TBC1D12: variants seen among roughly 807,000 people sequenced by gnomAD.
TBC1D12 encodes TBC1 domain family, member 12.
Under a neutral mutation model 86.7 loss-of-function variants are expected in TBC1D12, and 56 were observed. That is an observed-to-expected ratio of 0.65 (90% CI 0.52 to 0.81). The LOEUF (loss-of-function observed/expected upper bound fraction) is 0.81, where lower values mean the gene tolerates loss of function less well. Among genes scored for constraint, TBC1D12 ranks in the 30% least tolerant of loss-of-function variants. The probability of loss-of-function intolerance (pLI) is 0.00; values close to 1 mark genes in which losing one functional copy is unlikely to be tolerated. For synonymous variants in TBC1D12, 421 were observed against 411.7 expected (o/e 1.02, Z -0.27); for missense variants, 1,023 against 1,038.8 (o/e 0.98, Z 0.21).
intron 1 of TBC1D12, among the ~76,000 whole-genome samples, chr10:94,404,118 C>A (rs184467384): frequency 2.8e-4 from 43 of 152,192 alleles, no homozygotes; most frequent in African/African-American, 9.6e-4. Flanking sequence ...TTTGGGAATT[C>A]TTGAAATTAG....
intron 11 of TBC1D12, 59 bp from the exon 12 acceptor site, chr10:94,531,143 C>T (rs894062185): frequency 2.1e-5 from 32 of 1,547,104 alleles, no homozygotes; most frequent in Middle Eastern, 3.4e-4. Flanking sequence ...GAGATGCTTA[C>T]TGAGTAAATG....
At chr10:94,422,738 C>A (rs1311644018) in intron 1 of TBC1D12, among the ~76,000 whole-genome samples, 2 of 152,016 alleles carry the variant, frequency 1.3e-5, no homozygotes, top group African/African-American at 4.8e-5. Flanking sequence ...TGGCTATTTT[C>A]TTTGCTGTTT....
intron 11 of TBC1D12, among the ~76,000 whole-genome samples, chr10:94,530,533 G>A (rs546530345): frequency 2.0e-5 from 3 of 152,184 alleles, no homozygotes; most frequent in African/African-American, 7.2e-5. Flanking sequence ...CATGCCAAAC[G>A]CTGATGTAAA....
chr10:94,412,502 A>G (rs1332077311), intron 1 of TBC1D12, among the ~76,000 whole-genome samples: 2 of 152,248 alleles, frequency 1.3e-5, no homozygotes, highest in African/African-American at 4.8e-5. Flanking sequence ...GCTTTGACTA[A>G]AAAGCAAATC....
intron 7 of TBC1D12, 108 bp downstream of exon 7, chr10:94,507,455 A>C: frequency 1.0e-6 from 1 of 998,964 alleles, no homozygotes. Context: ...TTTAATCTTA[A>C]CCCTTTCAGT....
chr10:94,531,906 G>GTTATT (rs1354159012), intron 12 of TBC1D12, among the ~76,000 whole-genome samples: 1 of 149,268 alleles, frequency 6.7e-6, no homozygotes, highest in Non-Finnish European at 1.5e-5. Flanking sequence ...GTTATGTTAT[G>GTTATT]TTATTTTATT....
At chr10:94,496,893 T>C (rs2056327766) in intron 4 of TBC1D12, among the ~76,000 whole-genome samples, 162 bp from the exon 5 acceptor site, 2 of 152,184 alleles carry the variant, frequency 1.3e-5, no homozygotes, top group African/African-American at 4.8e-5. Context: ...TTTCACTTTT[T>C]CCCTCCCTTT....
intron 2 of TBC1D12, among the ~76,000 whole-genome samples, chr10:94,444,243 A>C (rs2055420121): frequency 6.7e-6 from 1 of 149,660 alleles, no homozygotes; most frequent in Admixed American, 6.6e-5. Context: ...TTTTTTTAGC[A>C]GTTACTAAGT....
chr10:94,451,782 C>T (rs1206893868), intron 2 of TBC1D12, among the ~76,000 whole-genome samples: 1 of 152,030 alleles, frequency 6.6e-6, no homozygotes, highest in East Asian at 1.9e-4. Context: ...ATATTTGAGA[C>T]ATCATGTATG....
chr10:94,429,104 C>T (rs550472215), intron 1 of TBC1D12, among the ~76,000 whole-genome samples: 5 of 151,284 alleles, frequency 3.3e-5, no homozygotes, highest in African/African-American at 7.3e-5. Flanking sequence ...TCCAATGTTA[C>T]GGATATTTTC....
chr10:94,500,807 G>A (rs2056385417), intron 6 of TBC1D12, among the ~76,000 whole-genome samples: 1 of 152,006 alleles, frequency 6.6e-6, no homozygotes, highest in African/African-American at 2.4e-5. Flanking sequence ...TGTAATCCCA[G>A]CACTTTGGGA....
At chr10:94,455,324 A>G (rs1159780083) in intron 2 of TBC1D12, among the ~76,000 whole-genome samples, 1 of 152,028 alleles carries the variant, frequency 6.6e-6, no homozygotes, top group Admixed American at 6.6e-5. Flanking sequence ...ATTTATGTTT[A>G]TAAGAGATAT....
chr10:94,431,406 C>T (rs190494424), intron 1 of TBC1D12, among the ~76,000 whole-genome samples: 47 of 134,006 alleles, frequency 3.5e-4, no homozygotes, highest in African/African-American at 1.2e-3. Flanking sequence ...TAGAGCAAGA[C>T]TCTTAAAAAA....
chr10:94,518,185 C>T (rs186302821), intron 9 of TBC1D12, among the ~76,000 whole-genome samples: 1 of 152,126 alleles, frequency 6.6e-6, no homozygotes, highest in East Asian at 1.9e-4. Flanking sequence ...AGGACTCTCC[C>T]TCAAGGACTA....
chr10:94,468,595 T>C (rs1468320770), intron 2 of TBC1D12, among the ~76,000 whole-genome samples: 1 of 152,198 alleles, frequency 6.6e-6, no homozygotes, highest in Non-Finnish European at 1.5e-5. Flanking sequence ...TAAGTGCTTT[T>C]TTTCTGGCTG....
intron 11 of TBC1D12, among the ~76,000 whole-genome samples, chr10:94,529,641 A>T (rs1842376578): frequency 2.0e-5 from 3 of 152,116 alleles, no homozygotes; most frequent in Admixed American, 2.0e-4. Flanking sequence ...TTTTCAATGT[A>T]TTCTCTTCCC....
intron 2 of TBC1D12, among the ~76,000 whole-genome samples, chr10:94,445,997 C>T (rs1034447052): frequency 7.9e-5 from 12 of 151,428 alleles, no homozygotes; most frequent in Non-Finnish European, 1.3e-4. Flanking sequence ...ATGTTTCTAC[C>T]TCTTGCTTTC....
chr10:94,437,657 G>A (rs1156232513), intron 1 of TBC1D12, among the ~76,000 whole-genome samples: 2 of 151,916 alleles, frequency 1.3e-5, no homozygotes, highest in African/African-American at 2.4e-5. Context: ...TTTATGGTAC[G>A]TAGTTGGTAC....
chr10:94,450,737 A>G (rs1342264117), intron 2 of TBC1D12, among the ~76,000 whole-genome samples: 1 of 152,114 alleles, frequency 6.6e-6, no homozygotes, highest in Non-Finnish European at 1.5e-5. Flanking sequence ...AACTATTCAC[A>G]ATAGCCAAGA....
Sources: allele counts gnomAD v4.1 joint callset (sites outside exome capture counted in the v4.1 genomes callset), GRCh38; gene constraint gnomAD v4.1.1; transcripts MANE v1.5; gene names NCBI Gene and HGNC (gene_info 2026-07-23, HGNC 2026-07-21).